RAB3C: variants seen among roughly 807,000 people sequenced by gnomAD.
RAB3C encodes the protein RAB3C, member RAS oncogene family, also known as ras-related protein Rab-3C.
Under a neutral mutation model 26.4 loss-of-function variants are expected in RAB3C, and 17 were observed. That is an observed-to-expected ratio of 0.64 (90% CI 0.44 to 0.97). The LOEUF is 0.97. Among genes scored for constraint, RAB3C ranks in the 50% least tolerant of loss-of-function variants. The pLI, the probability that RAB3C is intolerant of heterozygous loss-of-function variation, is 0.00. For synonymous variants in RAB3C, 91 were observed against 95.9 expected, an observed-to-expected ratio of 0.95 and a Z score of 0.30; for missense variants, 242 against 281.9, an observed-to-expected ratio of 0.86 and a Z score of 1.01.
intron 1 of RAB3C, among the ~76,000 whole-genome samples, chr5:58,596,856 TATATA>T (rs1746286493): frequency 1.1e-4 from 9 of 84,752 alleles, no homozygotes; most frequent in Non-Finnish European, 1.2e-4. Context: ...TAATACATAA[TATATA>T]ATATTATATT....
At chr5:58,665,149 T>G (rs116559315) in intron 2 of RAB3C, among the ~76,000 whole-genome samples, 1,934 of 152,276 alleles carry the variant, frequency 0.013, 28 homozygotes, top group Middle Eastern at 0.044. Flanking sequence ...CTGTATTTTC[T>G]GATGAGCAAA....
At chr5:58,834,411 TA>T (rs1743689398) in intron 4 of RAB3C, among the ~76,000 whole-genome samples, 1 of 152,212 alleles carries the variant, frequency 6.6e-6, no homozygotes, top group African/African-American at 2.4e-5. Flanking sequence ...CAAAAACAAT[TA>T]TGTAATAAAG....
intron 3 of RAB3C, among the ~76,000 whole-genome samples, chr5:58,746,901 C>T (rs563952188): frequency 6.6e-6 from 1 of 152,088 alleles, no homozygotes; most frequent in Admixed American, 6.6e-5. Context: ...TTGATTGGTT[C>T]CTTGAGCTTG....
intron 2 of RAB3C, among the ~76,000 whole-genome samples, chr5:58,623,119 GT>G (rs1458518918): frequency 6.6e-6 from 1 of 152,140 alleles, no homozygotes; most frequent in East Asian, 1.9e-4. Flanking sequence ...TGCATTATCT[GT>G]TTTGTGTTTA....
intron 3 of RAB3C, among the ~76,000 whole-genome samples, chr5:58,759,865 A>G (rs781505958): frequency 1.3e-5 from 2 of 152,226 alleles, no homozygotes; most frequent in African/African-American, 2.4e-5. Context: ...CATTTGGCCT[A>G]TAAGAGCATA....
At chr5:58,635,962 A>G (rs1365797835) in intron 2 of RAB3C, among the ~76,000 whole-genome samples, 1 of 152,250 alleles carries the variant, frequency 6.6e-6, no homozygotes, top group Non-Finnish European at 1.5e-5. Context: ...ATTGAAAATC[A>G]CTGAGTATAT....
chr5:58,764,550 C>T (rs569053324), intron 3 of RAB3C, among the ~76,000 whole-genome samples: 233 of 152,244 alleles, frequency 1.5e-3, no homozygotes, highest in Middle Eastern at 6.8e-3. Flanking sequence ...AATGTAGTAT[C>T]CAGAATACTC....
intron 2 of RAB3C, among the ~76,000 whole-genome samples, chr5:58,715,620 G>A (rs144106691): frequency 1.9e-4 from 29 of 152,234 alleles, no homozygotes; most frequent in African/African-American, 6.7e-4. Context: ...ATATCTGTGT[G>A]TCCCATGATG....
At chr5:58,590,885 A>G (rs759150586) in intron 1 of RAB3C, among the ~76,000 whole-genome samples, 1 of 152,134 alleles carries the variant, frequency 6.6e-6, no homozygotes, top group Non-Finnish European at 1.5e-5. Flanking sequence ...TAATAAATAT[A>G]AGCACTAGAA....
chr5:58,702,821 T>C (rs1310457626), intron 2 of RAB3C, among the ~76,000 whole-genome samples: 1 of 152,216 alleles, frequency 6.6e-6, no homozygotes, highest in Non-Finnish European at 1.5e-5. Flanking sequence ...AGAGAACTAA[T>C]AATATTTACA....
At chr5:58,598,860 C>T (rs1381030639) in intron 1 of RAB3C, among the ~76,000 whole-genome samples, 1 of 152,046 alleles carries the variant, frequency 6.6e-6, no homozygotes, top group Non-Finnish European at 1.5e-5. Flanking sequence ...TAAGAGAAAG[C>T]ATATTCTGTA....
intron 2 of RAB3C, among the ~76,000 whole-genome samples, chr5:58,723,916 T>C (rs1459972400): frequency 6.6e-6 from 1 of 151,690 alleles, no homozygotes; most frequent in Admixed American, 6.6e-5. Flanking sequence ...CCAGGGAAAG[T>C]GGCGAAGAGA....
chr5:58,717,795 C>T (rs1362212778), intron 2 of RAB3C, among the ~76,000 whole-genome samples: 1 of 152,060 alleles, frequency 6.6e-6, no homozygotes, highest in Non-Finnish European at 1.5e-5. Context: ...CCTCCCCTTC[C>T]TCAACCCTGC....
chr5:58,592,162 G>T (rs898640484), intron 1 of RAB3C, among the ~76,000 whole-genome samples: 2 of 152,012 alleles, frequency 1.3e-5, no homozygotes, highest in Non-Finnish European at 2.9e-5. Flanking sequence ...GCCTCCTAAA[G>T]TGCTGGGATT....
chr5:58,598,606 A>G (rs1746378343), intron 1 of RAB3C, among the ~76,000 whole-genome samples: 1 of 152,130 alleles, frequency 6.6e-6, no homozygotes, highest in Non-Finnish European at 1.5e-5. Flanking sequence ...GTCCTATCAC[A>G]GGGAATATGG....
intron 1 of RAB3C, among the ~76,000 whole-genome samples, chr5:58,605,097 G>T (rs980381134): frequency 2.8e-4 from 43 of 152,294 alleles, no homozygotes; most frequent in African/African-American, 1.0e-3. Context: ...CTTCTCCAGT[G>T]GGGTGTGTTT....
intron 2 of RAB3C, among the ~76,000 whole-genome samples, chr5:58,627,471 T>TAAAAAAAAAAA (rs58104232): frequency 1.5e-5 from 1 of 68,444 alleles, no homozygotes; most frequent in Non-Finnish European, 3.2e-5. Flanking sequence ...GACTCCGTCT[T>TAAAAAAAAAAA]AAAAAAAAAA....
At chr5:58,845,650 A>C (rs1743982818) in intron 4 of RAB3C, among the ~76,000 whole-genome samples, 2 of 85,614 alleles carry the variant, frequency 2.3e-5, no homozygotes, top group South Asian at 7.1e-4. Context: ...ATATACATAT[A>C]TATACATATA....
chr5:58,839,724 T>C (rs1743836923), intron 4 of RAB3C, among the ~76,000 whole-genome samples: 1 of 152,172 alleles, frequency 6.6e-6, no homozygotes, highest in Non-Finnish European at 1.5e-5. Flanking sequence ...AGTTTTATAG[T>C]TTCACAAGTT....
Sources: allele counts gnomAD v4.1 joint callset (sites outside exome capture counted in the v4.1 genomes callset), GRCh38; gene constraint gnomAD v4.1.1; transcripts MANE v1.5; gene names NCBI Gene and HGNC (gene_info 2026-07-23, HGNC 2026-07-21).